The following AGBL1 variants were observed in gnomAD, a reference collection of about 807,000 sequenced individuals.
AGBL1 encodes the protein AGBL carboxypeptidase 1.
In AGBL1, 130 loss-of-function variants were observed where a neutral mutation model predicts 118.9. That is an observed-to-expected ratio of 1.09 (90% confidence interval 0.95 to 1.26). The LOEUF is 1.26. Among genes scored for constraint, AGBL1 ranks in the 50% most tolerant of loss-of-function variants. The pLI is 0.00. For synonymous variants in AGBL1, 555 were observed against 478.9 expected (o/e 1.16, Z -2.08); for missense variants, 1,584 against 1,298.1 (o/e 1.22, Z -3.38).
intron 22 of AGBL1, among the ~76,000 whole-genome samples, chr15:86,779,091 T>G (rs894914579): frequency 2.6e-5 from 4 of 152,062 alleles, no homozygotes; most frequent in Admixed American, 6.6e-5. Context: ...AGTCTCCTGG[T>G]GTCTCCTTTT....
chr15:86,642,113 C>T (rs2085201095), intron 21 of AGBL1, among the ~76,000 whole-genome samples: 1 of 152,180 alleles, frequency 6.6e-6, no homozygotes, highest in Non-Finnish European at 1.5e-5. Context: ...AAGCAAATCA[C>T]ACAAGCTCAA....
At chr15:86,121,144 C>T (rs1369473227) in intron 1 of AGBL1, among the ~76,000 whole-genome samples, 2 of 152,098 alleles carry the variant, frequency 1.3e-5, no homozygotes, top group South Asian at 2.1e-4. Flanking sequence ...GTGATCTGCC[C>T]GCCTCAATCT....
chr15:86,266,928 T>C (rs549106487), intron 12 of AGBL1, 62 bp from the exon 13 acceptor site: 1 of 1,273,478 alleles, frequency 7.9e-7, no homozygotes, highest in African/African-American at 1.5e-5. Flanking sequence ...AAAAGAATCA[T>C]CACACTGTTT....
In AGBL1 at chr15:86,907,082, G is replaced by GGCAGGT; in HGVS notation, c.3159_3164dup. On this transcript the variant is annotated splice_region_variant and splice_polypyrimidine_tract_variant and intron_variant, in intron 22 of 22. Coordinates refer to ENST00000614907, the MANE Select transcript of AGBL1 (RefSeq NM_001386094.1). ...TTCTCCATATTTCCCGGGACCCAAT[G>GGCAGGT]GCAGGTGCAGCAGCAGCAGTGGCAG... 1.3e-5 allele frequency: 2 copies of GGCAGGT among 152,242 alleles called. No individual in the cohort carries two copies. Among genetic ancestry groups the GGCAGGT allele is most frequent in the Non-Finnish European group, 2.9e-5 (2 of 68,242 alleles). The allele number at this position is 152,242 out of a possible 1,614,324, so 9.4% of individuals were successfully genotyped here.
chr15:86,117,789 T>C (rs1897854987), intron 1 of AGBL1, among the ~76,000 whole-genome samples: 1 of 152,126 alleles, frequency 6.6e-6, no homozygotes, highest in African/African-American at 2.4e-5. Context: ...TTAATGTAAT[T>C]AGAGATGATA....
intron 18 of AGBL1, among the ~76,000 whole-genome samples, chr15:86,497,682 T>C (rs900373306): frequency 6.6e-6 from 1 of 151,748 alleles, no homozygotes; most frequent in African/African-American, 2.4e-5. Context: ...TAACCTGGAG[T>C]ATGGGACTCG....
rs567024182 is a variant in AGBL1 at position 86,375,665 on chromosome 15, T to G, written c.2375-21701T>G. On this transcript the variant is annotated intron_variant, in intron 17 of 22. Coordinates refer to ENST00000614907, the MANE Select transcript of AGBL1 (RefSeq NM_001386094.1). The stretch of plus-strand genomic sequence containing the variant: ...ATGCAAAAAAGGTACTCGGCTGTGC[T>G]GACCACATGAGCAAGTACATGCAGG... 3.6e-4 allele frequency among the ~76,000 whole-genome samples: 55 copies of G among 152,364 alleles called. No homozygotes were observed. In the South Asian group the frequency reaches 0.011, roughly 30 times the overall value.
chr15:86,801,224 A>G (rs777818079), intron 22 of AGBL1, among the ~76,000 whole-genome samples: 7 of 152,026 alleles, frequency 4.6e-5, no homozygotes, highest in Non-Finnish European at 7.4e-5. Flanking sequence ...TCTATCAGGG[A>G]GTAAAACTCT....
At chr15:86,945,403 C>T (rs1164710389) in intron 23 of AGBL1, among the ~76,000 whole-genome samples, 2 of 152,036 alleles carry the variant, frequency 1.3e-5, no homozygotes, top group African/African-American at 4.8e-5. Flanking sequence ...CACAGTGGCT[C>T]ACATCTGTAA....
chr15:86,649,198 T>C (rs1398516042), intron 21 of AGBL1, among the ~76,000 whole-genome samples: 1 of 152,130 alleles, frequency 6.6e-6, no homozygotes, highest in African/African-American at 2.4e-5. Flanking sequence ...AGTTTACTTA[T>C]AGTAACAGGA....
chr15:86,437,095 A>T (rs1048836504), intron 18 of AGBL1, among the ~76,000 whole-genome samples: 1 of 152,010 alleles, frequency 6.6e-6, no homozygotes, highest in Non-Finnish European at 1.5e-5. Flanking sequence ...TGCTATCATC[A>T]GAGAGAGTGG....
chr15:86,297,804 A>G (rs1296078938), intron 17 of AGBL1, among the ~76,000 whole-genome samples: 3 of 152,106 alleles, frequency 2.0e-5, no homozygotes, highest in East Asian at 1.9e-4. Context: ...CAGATTTTCA[A>G]CATTGTTATT....
chr15:86,232,826 T>C (rs1189092666), intron 6 of AGBL1, among the ~76,000 whole-genome samples: 1 of 152,194 alleles, frequency 6.6e-6, no homozygotes. Flanking sequence ...GCCCTGCATG[T>C]AGCCCTCATG....
chr15:87,009,878 TACCCAATGCCTAC>T (rs1226392248), intron 24 of AGBL1, among the ~76,000 whole-genome samples: 2 of 152,242 alleles, frequency 1.3e-5, no homozygotes, highest in Non-Finnish European at 2.9e-5. Flanking sequence ...TGGCCGTATT[TACCCAATGCCTAC>T]ACCCCTATTT....
At position 86,452,881 on chromosome 15, in the gene AGBL1, G is replaced by T. The variant is rs542858858; in HGVS notation, c.2555+55335G>T. 2.0e-5 allele frequency among the ~76,000 whole-genome samples: 3 copies of T among 152,124 alleles called. No individual in the cohort carries two copies. In the South Asian group the frequency reaches 6.2e-4, roughly 32 times the overall value. Reference sequence around the variant, plus strand: ...CATTCTCTTTGCCCTGAGTGTTCCCGCTGCTGGAATTGCTCTTTCCCCTGG... The same window carrying T: ...CATTCTCTTTGCCCTGAGTGTTCCCTCTGCTGGAATTGCTCTTTCCCCTGG... On this transcript the variant is annotated intron_variant, in intron 18 of 22. Transcript: ENST00000614907.
At chr15:86,960,325 C>T (rs1306448963) in intron 23 of AGBL1, among the ~76,000 whole-genome samples, 4 of 151,972 alleles carry the variant, frequency 2.6e-5, no homozygotes, top group African/African-American at 9.7e-5. Flanking sequence ...AACTTATGCT[C>T]ATATCTATAA....
chr15:86,780,653 ACTT>A (rs1330518281), intron 22 of AGBL1, among the ~76,000 whole-genome samples: 12 of 121,306 alleles, frequency 9.9e-5, no homozygotes, highest in South Asian at 2.8e-4. Flanking sequence ...GTCTTCTTTA[ACTT>A]CTTTTTTTTT....
chr15:86,761,235 T>C (rs977910070), intron 22 of AGBL1, among the ~76,000 whole-genome samples: 1 of 152,084 alleles, frequency 6.6e-6, no homozygotes, highest in African/African-American at 2.4e-5. Context: ...AACAAGTTCA[T>C]TGAGAACTTA....
At chr15:86,270,335 C>T (rs561829905) in intron 14 of AGBL1, among the ~76,000 whole-genome samples, 28 of 152,228 alleles carry the variant, frequency 1.8e-4, no homozygotes, top group African/African-American at 5.5e-4. Flanking sequence ...GGTTGGTGAG[C>T]GTTCTCATTT....
Sources: allele counts gnomAD v4.1 joint callset (sites outside exome capture counted in the v4.1 genomes callset), GRCh38; gene constraint gnomAD v4.1.1; transcripts MANE v1.5; gene names NCBI Gene and HGNC (gene_info 2026-07-23, HGNC 2026-07-21).